The following KCNIP4 variants were observed in gnomAD, a reference collection of about 807,000 sequenced individuals.
The protein encoded by KCNIP4 is potassium voltage-gated channel interacting protein 4.
KCNIP4 carries 12 observed loss-of-function variants against 34.0 expected under a neutral mutation model. The observed-to-expected ratio is 0.35, with a 90% CI of 0.23 to 0.57. KCNIP4 has a LOEUF of 0.57. Among genes scored for constraint, KCNIP4 ranks in the 20% least tolerant of loss-of-function variants. The probability of loss-of-function intolerance (pLI) is 0.83; values close to 1 mark genes in which losing one functional copy is unlikely to be tolerated. For missense variants in KCNIP4, 238 were observed against 311.7 expected, an observed-to-expected ratio of 0.76 and a Z score of 1.78; for synonymous variants, 124 against 102.2, an observed-to-expected ratio of 1.21 and a Z score of -1.29.
intron 1 of KCNIP4, among the ~76,000 whole-genome samples, chr4:21,530,260 A>G (rs1225310240): frequency 6.6e-6 from 1 of 152,292 alleles, no homozygotes; most frequent in Non-Finnish European, 1.5e-5. Context: ...TACATAATGT[A>G]CTTTTGTTTC....
chr4:20,829,876 A>C (rs1718211761), intron 3 of KCNIP4, among the ~76,000 whole-genome samples: 1 of 152,064 alleles, frequency 6.6e-6, no homozygotes, highest in African/African-American at 2.4e-5. Flanking sequence ...TGGTGTCATC[A>C]GTATTTATTT....
intron 3 of KCNIP4, among the ~76,000 whole-genome samples, chr4:20,811,512 T>C (rs145899939): frequency 2.0e-5 from 1 of 49,542 alleles, no homozygotes; most frequent in African/African-American, 6.6e-5. Context: ...TGTGTGTGTG[T>C]GTGCGCGCGC....
chr4:21,801,408 A>C (rs1720985880), intron 1 of KCNIP4, among the ~76,000 whole-genome samples: 1 of 152,056 alleles, frequency 6.6e-6, no homozygotes, highest in East Asian at 1.9e-4. Context: ...GAAAGAAGGG[A>C]AAGGGAGTTA....
intron 3 of KCNIP4, among the ~76,000 whole-genome samples, chr4:20,817,895 G>A (rs373348947): frequency 9.7e-4 from 148 of 152,278 alleles, no homozygotes; most frequent in African/African-American, 3.3e-3. Flanking sequence ...CTTGAGCGTA[G>A]AGTATGAGGA....
chr4:21,733,661 C>T (rs1214732786), intron 1 of KCNIP4, among the ~76,000 whole-genome samples: 5 of 152,064 alleles, frequency 3.3e-5, no homozygotes, highest in African/African-American at 1.2e-4. Context: ...TCCTTAAGTA[C>T]CCGAGCGAGA....
chr4:21,172,025 T>C (rs1254602595), intron 1 of KCNIP4, among the ~76,000 whole-genome samples: 1 of 152,066 alleles, frequency 6.6e-6, no homozygotes, highest in African/African-American at 2.4e-5. Context: ...ATTCTGATGT[T>C]GTTTTGTTTT....
intron 1 of KCNIP4, among the ~76,000 whole-genome samples, chr4:21,352,988 T>C (rs1417379965): frequency 6.6e-6 from 1 of 152,262 alleles, no homozygotes; most frequent in East Asian, 1.9e-4. Context: ...CCTCCTCTGG[T>C]GATACCCAGG....
intron 2 of KCNIP4, among the ~76,000 whole-genome samples, chr4:20,854,953 A>G (rs901305254): frequency 6.6e-6 from 1 of 152,184 alleles, no homozygotes; most frequent in African/African-American, 2.4e-5. Flanking sequence ...GTGCCCATAG[A>G]TGTTTGGAAA....
intron 1 of KCNIP4, among the ~76,000 whole-genome samples, chr4:21,501,714 G>GTGTGTGTGTGTGTGTA (rs1395321757): frequency 2.0e-5 from 3 of 151,180 alleles, no homozygotes; most frequent in Non-Finnish European, 4.4e-5. Context: ...GTGTGTGTGT[G>GTGTGTGTGTGTGTGTA]TGCGTTGGAA....
chr4:21,349,126 T>G (rs1317769086), intron 1 of KCNIP4, among the ~76,000 whole-genome samples: 1 of 152,180 alleles, frequency 6.6e-6, no homozygotes, highest in Non-Finnish European at 1.5e-5. Flanking sequence ...ATAAATAATA[T>G]TGGCTGCATC....
At chr4:21,345,463 G>A (rs1168453516) in intron 1 of KCNIP4, among the ~76,000 whole-genome samples, 8 of 152,118 alleles carry the variant, frequency 5.3e-5, no homozygotes, top group Admixed American at 4.6e-4. Flanking sequence ...CATAGTAATG[G>A]ATAACTAATA....
chr4:20,831,913 A>G (rs1718474275), intron 3 of KCNIP4, among the ~76,000 whole-genome samples: 1 of 152,234 alleles, frequency 6.6e-6, no homozygotes, highest in Non-Finnish European at 1.5e-5. Context: ...ATGATTGCCT[A>G]TCCCCATCCC....
At chr4:21,044,521 A>G (rs962822920) in intron 1 of KCNIP4, among the ~76,000 whole-genome samples, 6 of 152,098 alleles carry the variant, frequency 3.9e-5, no homozygotes, top group Admixed American at 2.0e-4. Context: ...CATGTTGGCC[A>G]GGATGGTCTC....
At chr4:20,857,514 G>A (rs1438133619) in intron 2 of KCNIP4, among the ~76,000 whole-genome samples, 1 of 147,458 alleles carries the variant, frequency 6.8e-6, no homozygotes, top group Non-Finnish European at 1.5e-5. Context: ...TCATGGATGT[G>A]AAGAAATTCA....
At chr4:21,046,133 T>C (rs1008999169) in intron 1 of KCNIP4, among the ~76,000 whole-genome samples, 1 of 152,234 alleles carries the variant, frequency 6.6e-6, no homozygotes, top group Non-Finnish European at 1.5e-5. Flanking sequence ...CTGACTTATT[T>C]TGAATGTGAT....
intron 1 of KCNIP4, among the ~76,000 whole-genome samples, chr4:20,970,906 A>T (rs1734876769): frequency 6.6e-6 from 1 of 152,198 alleles, no homozygotes; most frequent in Admixed American, 6.5e-5. Flanking sequence ...GGTGCTTGAA[A>T]TTTAGCAAAA....
chr4:21,195,543 A>T (rs1269912534), intron 1 of KCNIP4, among the ~76,000 whole-genome samples: 3 of 152,220 alleles, frequency 2.0e-5, no homozygotes, highest in Admixed American at 2.0e-4. Context: ...TGTGTGTTTT[A>T]TGCCATTGGA....
chr4:21,567,650 A>G (rs1740016649), intron 1 of KCNIP4, among the ~76,000 whole-genome samples: 4 of 152,200 alleles, frequency 2.6e-5, no homozygotes. Context: ...GAAAGCAAAG[A>G]TAACTAAAAT....
At chr4:21,925,715 G>A (rs1054606157) in intron 1 of KCNIP4, among the ~76,000 whole-genome samples, 2 of 152,026 alleles carry the variant, frequency 1.3e-5, no homozygotes, top group African/African-American at 2.4e-5. Context: ...AGTCTTTAAC[G>A]ACAACCATGA....
Sources: allele counts gnomAD v4.1 joint callset (sites outside exome capture counted in the v4.1 genomes callset), GRCh38; gene constraint gnomAD v4.1.1; transcripts MANE v1.5; gene names NCBI Gene and HGNC (gene_info 2026-07-23, HGNC 2026-07-21).